FAM83H: variants seen among roughly 807,000 people sequenced by gnomAD.
The protein encoded by FAM83H is protein FAM83H.
In FAM83H, 24 loss-of-function variants were observed where a neutral mutation model predicts 30.2. The ratio of observed to expected loss-of-function variants is 0.79; its 90% CI spans 0.57 to 1.12. FAM83H has a LOEUF of 1.12. FAM83H is among the 50% of genes most tolerant of loss of function. FAM83H has a pLI of 0.00. For missense variants in FAM83H, 2,038 were observed against 1,773.9 expected (o/e 1.15, Z -2.67); for synonymous variants, 1,013 against 821.7 (o/e 1.23, Z -3.98).
intron 1 of FAM83H, chr8:143,732,724 G>A (rs1418071470): frequency 5.8e-5 from 57 of 985,256 alleles, no homozygotes; most frequent in Non-Finnish European, 6.4e-5. Flanking sequence ...GGCTATGGAC[G>A]GGGCTGCAGC....
Position 143,726,525 on chromosome 8 carries a change from C to T in FAM83H, c.2936G>A (p.Arg979Gln), listed in dbSNP as rs782214215. 1.2e-6 allele frequency: 2 copies of T among 1,605,952 alleles called. No homozygotes were observed. Among genetic ancestry groups the T allele is most frequent in the Admixed American group, 1.7e-5 (1 of 59,992 alleles). ...LRQLLSPKGERRMEDEGGFPV... is the reference protein window; with the variant it reads ...LRQLLSPKGEQRMEDEGGFPV... ...GAAGCCACCCTCATCCTCCATGCGC[C>T]GCTCGCCCTTGGGGCTCAGCAGCTG... is the stretch of plus-strand genomic sequence containing the variant. Residue 979 changes from arginine to glutamine, a missense_variant, in exon 5 of 5, where the codon CGG (arginine) becomes CAG (glutamine). Arg to Gln is a conservative substitution (Grantham distance 43). Transcript: ENST00000388913.
rs1818260868 is a variant in FAM83H at position 143,725,634 on chromosome 8, G to A, written c.*287C>T. The A allele has an allele frequency of 1.1e-5, 6 of 563,008 alleles. No homozygotes were observed. Among genetic ancestry groups the A allele is most frequent in the Non-Finnish European group, 1.9e-5 (6 of 315,646 alleles). The allele number at this position is 563,008 out of a possible 1,614,324, so 34.9% of individuals were successfully genotyped here. A position where few individuals can be genotyped will look rare whatever the true frequency, so the allele number is the denominator to read the frequency against. On this transcript the variant is annotated 3_prime_UTR_variant, in exon 5 of 5. Coordinates refer to ENST00000388913, the MANE Select transcript of FAM83H (RefSeq NM_198488.5). ...GCACAAAGAGATGGCGGAGCCAGAC[G>A]CTGCGCCACGCAAGGCTGACGGTGC...
rs1261151986 is a variant in FAM83H at position 143,724,350 on chromosome 8, T to G, written c.*1571A>C. The G allele has an allele frequency of 6.6e-6, 1 of 152,034 alleles. No homozygotes were observed. Among genetic ancestry groups the G allele is most frequent in the Non-Finnish European group, 1.5e-5 (1 of 68,006 alleles). 9.4% of individuals were successfully genotyped at this position (152,034 alleles called of 1,614,324 possible). A position where few individuals can be genotyped will look rare whatever the true frequency, so the allele number is the denominator to read the frequency against. ...TAAATCAGTTCCCTCTTAGGATTTA[T>G]TACACTAAAAAAAAAATTAGTTTTT... On this transcript the variant is annotated 3_prime_UTR_variant, in exon 5 of 5. Transcript: ENST00000388913.
In FAM83H at chr8:143,729,230, G is replaced by T. The variant is rs371300441; in HGVS notation, c.541C>A (p.Leu181Met). ...AAGTGCTGCGCGTTCATCTCATCCA[G>T]CAGGATGTAGACTGGGACCCGACGG... ...AARRVPVYIL[L>M]DEMNAQHFLD... is the part of the protein sequence containing the mutation. The change falls in exon 3 of 5, where the codon CTG becomes ATG. Residue 181 changes from leucine to methionine, a missense_variant. By Grantham distance (15) the Leu-to-Met change is conservative. Coordinates refer to ENST00000388913, the MANE Select transcript of FAM83H (RefSeq NM_198488.5). 2.5e-6 allele frequency: 4 copies of T among 1,613,478 alleles called. No individual in the cohort carries two copies. In the African/African-American group the frequency reaches 5.3e-5, roughly 22 times the overall value.
At chr8:143,732,214 G>A (rs1270938053) in intron 1 of FAM83H, 2 of 985,412 alleles carry the variant, frequency 2.0e-6, no homozygotes, top group Non-Finnish European at 2.4e-6. Context: ...AATACCTGGT[G>A]CCACTCAACA....
At position 143,728,731 on chromosome 8, in the gene FAM83H, G is replaced by A. The variant is rs781973556; in HGVS notation, c.738-8C>T. ...TCAAAGGACCACATGAAGCTGTGGG[G>A]GGGTCAGGGCCAGAGTCAAACCGAG... On this transcript the variant is annotated splice_region_variant and splice_polypyrimidine_tract_variant and intron_variant, in intron 4 of 4. Transcript: ENST00000388913. The A allele has an allele frequency of 2.5e-6, 4 of 1,598,892 alleles. No individual in the cohort carries two copies. The highest frequency in any genetic ancestry group is 1.1e-5 in the South Asian group (1 of 91,092).
Position 143,730,436 on chromosome 8 carries a change from G to C in FAM83H, c.147C>G (p.Thr49=), listed in dbSNP as rs782321743. Residue 49 remains threonine, a synonymous_variant, in exon 2 of 5, where the codon ACC becomes ACG. Coordinates refer to ENST00000388913, the MANE Select transcript of FAM83H (RefSeq NM_198488.5). ...GSEAYSRFLA[T]EGAPDFLCPE... Reference sequence around the variant, plus strand: ...GGCACAGGAAGTCTGGTGCCCCCTCGGTAGCGAGGAAGCGGCTGTAGGCCT... The same window carrying C: ...GGCACAGGAAGTCTGGTGCCCCCTCCGTAGCGAGGAAGCGGCTGTAGGCCT... The C allele has an allele frequency of 6.2e-7, 1 of 1,612,488 alleles. No individual in the cohort carries two copies.
Position 143,725,156 on chromosome 8 carries a change from C to CA in FAM83H, c.*764_*765insT, listed in dbSNP as rs1818236056. The CA allele has an allele frequency of 2.7e-5, 1 of 37,534 alleles. No homozygotes were observed. Among genetic ancestry groups the CA allele is most frequent in the African/African-American group, 1.4e-4 (1 of 7,312 alleles). The allele number at this position is 37,534 out of a possible 1,614,324, so 2.3% of individuals were successfully genotyped here. Reference sequence around the variant, plus strand: ...AAGCCCAGGCGGGGGAGGGGGGAGACGGGGGGGGGGGGGGGGGAGGGAAGG... The same window carrying CA: ...AAGCCCAGGCGGGGGAGGGGGGAGACAGGGGGGGGGGGGGGGGGAGGGAAGG... On this transcript the variant is annotated 3_prime_UTR_variant, in exon 5 of 5. Coordinates refer to ENST00000388913, the MANE Select transcript of FAM83H (RefSeq NM_198488.5).
At chr8:143,728,912 T>C (rs1587456639) in intron 4 of FAM83H, 55 bp downstream of exon 4, 1 of 1,611,644 alleles carries the variant, frequency 6.2e-7, no homozygotes, top group Admixed American at 1.7e-5. Context: ...AAGGGGGTGC[T>C]GGGGTTACAG....
intron 1 of FAM83H, chr8:143,731,720 T>C: frequency 1.0e-6 from 1 of 985,288 alleles, no homozygotes; most frequent in African/African-American, 1.7e-5. Flanking sequence ...TTGCTCAGAG[T>C]CCTGTCCCCA....
chr8:143,732,683 G>A (rs1209940394), intron 1 of FAM83H: 5 of 985,226 alleles, frequency 5.1e-6, no homozygotes, highest in Non-Finnish European at 4.8e-6. Context: ...CATTCCTCAC[G>A]TCGTCTCCTT....
At position 143,728,232 on chromosome 8, in the gene FAM83H, T is replaced by G; in HGVS notation, c.1229A>C (p.His410Pro). The G allele has an allele frequency of 6.3e-7, 1 of 1,589,112 alleles. No individual in the cohort carries two copies. The highest frequency in any genetic ancestry group is 8.5e-7 in the Non-Finnish European group (1 of 1,173,386). ...RHLEMDAFKRHSFATEGAGAV... is the reference protein window; with the variant it reads ...RHLEMDAFKRPSFATEGAGAV... Reference sequence around the variant, plus strand: ...GCCCGCGCCCTCGGTCGCGAAGCTGTGCCGCTTGAAGGCGTCCATCTCCAG... The same window carrying G: ...GCCCGCGCCCTCGGTCGCGAAGCTGGGCCGCTTGAAGGCGTCCATCTCCAG... The change falls in exon 5 of 5, where the codon CAC becomes CCC. Residue 410 changes from histidine to proline, a missense_variant. Coordinates refer to ENST00000388913, the MANE Select transcript of FAM83H (RefSeq NM_198488.5).
rs782324671 is a variant in FAM83H, at chr8:143,728,539, G to C, written c.922C>G (p.Leu308Val). The change falls in exon 5 of 5, where the codon CTC becomes GTC. Residue 308 changes from leucine to valine, a missense_variant. Transcript: ENST00000388913. Reference protein sequence around the residue: ...ALAPYAGAGPLVGVPGVGAPT... With the variant: ...ALAPYAGAGPVVGVPGVGAPT... ...GCCCCGACCCCAGGGACGCCCACGA[G>C]AGGCCCGGCCCCGGCATACGGAGCC... is the stretch of plus-strand genomic sequence containing the variant. The C allele has an allele frequency of 5.1e-5, 80 of 1,570,470 alleles. No homozygotes were observed. In the South Asian group the frequency reaches 7.8e-4, roughly 15 times the overall value.
Position 143,727,458 on chromosome 8 carries a change from A to T in FAM83H, c.2003T>A (p.Phe668Tyr). 1 of 1,570,342 alleles carries T rather than the reference A, an allele frequency of 6.4e-7. No homozygotes were observed. The highest frequency in any genetic ancestry group is 8.6e-7 in the Non-Finnish European group (1 of 1,165,660). Residue 668 changes from phenylalanine (F) to tyrosine (Y), a missense_variant, in exon 5 of 5, where the codon TTC (phenylalanine) becomes TAC (tyrosine). By Grantham distance (22) the Phe-to-Tyr change is conservative (BLOSUM62 3). Transcript: ENST00000388913. ...EEPGLAKQDSFRSRLNPLVQR... is the reference protein window; with the variant it reads ...EEPGLAKQDSYRSRLNPLVQR... Reference sequence around the variant, plus strand: ...GACCAGGGGGTTCAGGCGCGAGCGGAATGAGTCCTGCTTGGCCAGGCCAGG... The same window carrying T: ...GACCAGGGGGTTCAGGCGCGAGCGGTATGAGTCCTGCTTGGCCAGGCCAGG...
rs1563763704 is a variant in FAM83H, at chr8:143,733,661, CCCGCT to C, written c.-16+25_-16+29del. On this transcript the variant is annotated intron_variant, in intron 1 of 4. Coordinates refer to ENST00000388913, the MANE Select transcript of FAM83H (RefSeq NM_198488.5). This position sits in a 1 kb window ranked among gnomAD's most constrained non-coding sequence, Gnocchi z 5.6. ...GCGCCCGCCCCCCGCCTCGCCCCGC[CCCGCT>C]CGGGCCGGGGGAGGGGGGCCCTACC... 6.6e-6 allele frequency: 1 copy of C among 150,706 alleles called. No individual in the cohort carries two copies. The highest frequency in any genetic ancestry group is 6.6e-5 in the Admixed American group (1 of 15,140). The allele number at this position is 150,706 out of a possible 1,614,324, so 9.3% of individuals were successfully genotyped here.
chr8:143,727,412 G>C lies in FAM83H; in HGVS notation c.2049C>G (p.Arg683=). The change falls in exon 5 of 5, where the codon CGC becomes CGG. Residue 683 remains arginine, a synonymous_variant. Coordinates refer to ENST00000388913, the MANE Select transcript of FAM83H (RefSeq NM_198488.5). ...NPLVQRSSRL[R]SSLIFSTSQA... ...GTGACGTGCTGAAGATGAGCGAGGA[G>C]CGCAGCCTGGAGCTGCGCTGGACCA... 5 of 1,571,514 alleles carry C rather than the reference G, an allele frequency of 3.2e-6. No homozygotes were observed. The highest frequency in any genetic ancestry group is 4.3e-6 in the Non-Finnish European group (5 of 1,166,612).
chr8:143,727,067 T>C lies in FAM83H; in HGVS notation c.2394A>G (p.Ala798=), dbSNP rs1554622287. ...GCTCCGCCTCCTGGTGCAGCTGCTG[T>C]GCAAAGGAGTCGCGCAGGTCCAGCA... The part of the protein sequence containing the change: ...SCLLDLRDSF[A]QQLHQEAERQ... Residue 798 remains alanine, a synonymous_variant, in exon 5 of 5, where the codon GCA becomes GCG. Coordinates refer to ENST00000388913, the MANE Select transcript of FAM83H (RefSeq NM_198488.5). The C allele has an allele frequency of 3.9e-6, 6 of 1,548,796 alleles. No individual in the cohort carries two copies. The highest frequency in any genetic ancestry group is 5.2e-6 in the Non-Finnish European group (6 of 1,153,894).
Position 143,729,073 on chromosome 8 carries a change from C to G in FAM83H, c.631G>C (p.Val211Leu). Reference protein sequence around the residue: ...QHVDFLRVRTVAGPTYYCRTG... With the variant: ...QHVDFLRVRTLAGPTYYCRTG... ...CGGCAGTAGTAGGTGGGGCCCGCCA[C>G]AGTCCGTACGCGCAGGAACTGGGGA... The change falls in exon 4 of 5, where the codon GTG (valine) becomes CTG (leucine). Residue 211 changes from valine to leucine, a missense_variant. By Grantham distance (32) the Val-to-Leu change is conservative. Transcript: ENST00000388913. 1 of 1,613,674 alleles carries G rather than the reference C, an allele frequency of 6.2e-7. No homozygotes were observed. The highest frequency in any genetic ancestry group is 8.5e-7 in the Non-Finnish European group (1 of 1,180,012).
intron 1 of FAM83H, chr8:143,732,378 C>A (rs1484798478): frequency 2.0e-6 from 2 of 985,358 alleles, no homozygotes; most frequent in East Asian, 2.3e-4. Flanking sequence ...AGGTGTAGGC[C>A]TGTCTGGCTG....
Sources: gnomAD v4.1 joint callset for allele counts on GRCh38, gnomAD v4.1.1 for gene constraint, Gnocchi (gnomAD v3.1) non-coding constraint, MANE v1.5 for transcripts, NCBI Gene and HGNC (gene_info 2026-07-23, HGNC 2026-07-21) for gene names.